AUTS2: variants seen among roughly 807,000 people sequenced by gnomAD.
AUTS2 encodes activator of transcription and developmental regulator AUTS2.
AUTS2 carries 17 observed loss-of-function variants against 112.4 expected under a neutral mutation model. The observed-to-expected ratio is 0.15, with a 90% CI of 0.10 to 0.23. AUTS2 has a LOEUF of 0.23. Among genes scored for constraint, AUTS2 ranks in the 10% least tolerant of loss-of-function variants. The pLI, the probability that AUTS2 is intolerant of heterozygous loss-of-function variation, is 1.00. For missense variants in AUTS2, 1,510 were observed against 1,701.6 expected (o/e 0.89, Z 1.98); for synonymous variants, 751 against 702.7 (o/e 1.07, Z -1.09).
At chr7:70,726,856 C>T (rs1050120561) in intron 6 of AUTS2, among the ~76,000 whole-genome samples, 7 of 152,296 alleles carry the variant, frequency 4.6e-5, no homozygotes, top group East Asian at 1.9e-4. Context: ...GGATAACACA[C>T]GGGATTATCT....
rs1408933201 is a variant in AUTS2, at chr7:69,953,219, A to G, written c.522+53721A>G. 3.9e-5 allele frequency among the ~76,000 whole-genome samples: 6 copies of G among 152,226 alleles called. No homozygotes were observed. The East Asian group carries it at 1.2e-3, about 29-fold the overall frequency. ...GTGTGAGGAGTTAAAGTAATTCCCTAAGCACACTAGACACGCCTGATGCCC... is the reference window on the plus strand; with the variant it reads ...GTGTGAGGAGTTAAAGTAATTCCCTGAGCACACTAGACACGCCTGATGCCC... On this transcript the variant is annotated intron_variant, in intron 2 of 18. Transcript: ENST00000342771.
intron 4 of AUTS2, among the ~76,000 whole-genome samples, chr7:70,323,484 T>TTGGGTAG (rs958412132): frequency 3.3e-5 from 5 of 152,156 alleles, no homozygotes; most frequent in African/African-American, 1.2e-4. Flanking sequence ...GCCAAGAGCT[T>TTGGGTAG]TGGGTAGTTC....
chr7:70,663,605 A>G (rs1198131725), intron 5 of AUTS2, among the ~76,000 whole-genome samples: 1 of 151,318 alleles, frequency 6.6e-6, no homozygotes, highest in South Asian at 2.1e-4. Flanking sequence ...CTTACTTTCT[A>G]TATCCACCCA....
intron 1 of AUTS2, among the ~76,000 whole-genome samples, chr7:69,666,383 C>G (rs1032893003): frequency 1.3e-5 from 2 of 152,148 alleles, no homozygotes; most frequent in Non-Finnish European, 2.9e-5. Context: ...AGGTACCCAT[C>G]CTAAGTACTT....
At chr7:70,028,031 C>G (rs1031407779) in intron 2 of AUTS2, among the ~76,000 whole-genome samples, 1 of 152,118 alleles carries the variant, frequency 6.6e-6, no homozygotes, top group Non-Finnish European at 1.5e-5. Context: ...TGCACACATT[C>G]ATCAACTGTT....
chr7:70,575,309 G>A (rs527364908), intron 5 of AUTS2, among the ~76,000 whole-genome samples: 1 of 152,192 alleles, frequency 6.6e-6, no homozygotes, highest in East Asian at 1.9e-4. Flanking sequence ...AGGCACATGG[G>A]GCACCCCTGC....
chr7:69,787,623 C>G (rs1346043664), intron 1 of AUTS2, among the ~76,000 whole-genome samples: 1 of 152,138 alleles, frequency 6.6e-6, no homozygotes, highest in Non-Finnish European at 1.5e-5. Flanking sequence ...GATCTCTGCT[C>G]ACTGCAACCT....
intron 4 of AUTS2, among the ~76,000 whole-genome samples, chr7:70,372,717 G>T (rs1411407876): frequency 2.7e-5 from 4 of 150,362 alleles, no homozygotes; most frequent in Non-Finnish European, 4.4e-5. Context: ...AAAACGAGAG[G>T]TATATAACAC....
chr7:70,524,428 T>C (rs539905349), intron 5 of AUTS2, among the ~76,000 whole-genome samples: 141 of 152,316 alleles, frequency 9.3e-4, no homozygotes, highest in Non-Finnish European at 1.7e-3. Flanking sequence ...TCCAGGGGCC[T>C]CATCCACATT....
intron 6 of AUTS2, among the ~76,000 whole-genome samples, chr7:70,709,812 T>G (rs1387929885): frequency 6.6e-6 from 1 of 152,192 alleles, no homozygotes; most frequent in Admixed American, 6.5e-5. Flanking sequence ...TCTGAACACT[T>G]AGCATTCAAA....
At chr7:70,173,606 A>AT (rs1391555661) in intron 4 of AUTS2, among the ~76,000 whole-genome samples, 2 of 152,134 alleles carry the variant, frequency 1.3e-5, no homozygotes, top group African/African-American at 2.4e-5. Context: ...CAGATACTGT[A>AT]TTTTTTACAA....
At chr7:70,397,133 G>A (rs947388707) in intron 4 of AUTS2, among the ~76,000 whole-genome samples, 2 of 150,532 alleles carry the variant, frequency 1.3e-5, no homozygotes, top group South Asian at 2.1e-4. Context: ...GCACGATCTC[G>A]GCTCACTGCA....
At chr7:69,824,467 A>G (rs1314541839) in intron 1 of AUTS2, 2 of 151,930 alleles carry the variant, frequency 1.3e-5, no homozygotes, top group East Asian at 3.9e-4. Flanking sequence ...TATTTCTGAG[A>G]ACTGATATCT....
intron 2 of AUTS2, among the ~76,000 whole-genome samples, chr7:69,977,777 T>C (rs139764657): frequency 6.6e-6 from 1 of 152,306 alleles, no homozygotes; most frequent in African/African-American, 2.4e-5. Context: ...GTTTCTGTTT[T>C]TTCAACTCCA....
At chr7:70,559,713 T>A (rs1213819407) in intron 5 of AUTS2, among the ~76,000 whole-genome samples, 1 of 152,154 alleles carries the variant, frequency 6.6e-6, no homozygotes, top group African/African-American at 2.4e-5. Context: ...TTTCCTTCCA[T>A]TAAACTCAGC....
chr7:69,610,638 C>A (rs1792980663), intron 1 of AUTS2, among the ~76,000 whole-genome samples: 1 of 152,200 alleles, frequency 6.6e-6, no homozygotes, highest in Admixed American at 6.5e-5. Flanking sequence ...TTATACCTCA[C>A]TTGGTCGGTG....
intron 2 of AUTS2, among the ~76,000 whole-genome samples, chr7:70,069,054 G>A (rs1802632480): frequency 1.3e-5 from 2 of 152,156 alleles, no homozygotes; most frequent in African/African-American, 2.4e-5. Flanking sequence ...AGTCACTGTG[G>A]CCTTTTAAGT....
At chr7:70,669,352 G>T (rs1807516490) in intron 5 of AUTS2, among the ~76,000 whole-genome samples, 1 of 152,182 alleles carries the variant, frequency 6.6e-6, no homozygotes, top group South Asian at 2.1e-4. Context: ...ATCCCTTCTG[G>T]TTATTCAGAT....
intron 5 of AUTS2, among the ~76,000 whole-genome samples, chr7:70,667,886 CCTT>C (rs1420791769): frequency 2.0e-5 from 3 of 152,204 alleles, no homozygotes; most frequent in African/African-American, 7.2e-5. Flanking sequence ...ATTCTCGGCC[CCTT>C]CTTAGTATGG....
Sources: gnomAD v4.1 joint callset for allele counts (sites outside exome capture counted in the v4.1 genomes callset) on GRCh38, gnomAD v4.1.1 for gene constraint, MANE v1.5 for transcripts, NCBI Gene and HGNC (gene_info 2026-07-23, HGNC 2026-07-21) for gene names.